Variants in RBFOX1 observed in about 807,000 individuals in gnomAD.
The protein encoded by RBFOX1 is RNA binding protein fox-1 homolog 1.
Under a neutral mutation model 57.7 loss-of-function variants are expected in RBFOX1, and 8 were observed. The observed-to-expected ratio is 0.14, with a 90% CI of 0.08 to 0.25. The LOEUF (loss-of-function observed/expected upper bound fraction) is 0.25. Among genes scored for constraint, RBFOX1 ranks in the 10% least tolerant of loss-of-function variants. The probability of loss-of-function intolerance (pLI) is 1.00; values close to 1 mark genes in which losing one functional copy is unlikely to be tolerated. For missense variants in RBFOX1, 611 were observed against 548.5 expected, an observed-to-expected ratio of 1.11 and a Z score of -1.14; for synonymous variants, 326 against 222.4, an observed-to-expected ratio of 1.47 and a Z score of -4.15.
At chr16:7,466,352 C>T (rs965317405) in intron 4 of RBFOX1, among the ~76,000 whole-genome samples, 3 of 151,722 alleles carry the variant, frequency 2.0e-5, no homozygotes, top group African/African-American at 7.3e-5. Flanking sequence ...TATTTCATGC[C>T]AAGCTAGCGC....
intron 3 of RBFOX1, among the ~76,000 whole-genome samples, chr16:6,884,780 C>T (rs184369335): frequency 3.3e-5 from 5 of 152,050 alleles, no homozygotes; most frequent in Non-Finnish European, 5.9e-5. Context: ...TACCTGCAGT[C>T]CCAGCTACTT....
At chr16:6,172,137 T>C (rs1239707561) in intron 1 of RBFOX1, among the ~76,000 whole-genome samples, 1 of 151,994 alleles carries the variant, frequency 6.6e-6, no homozygotes, top group Non-Finnish European at 1.5e-5. Context: ...TTTTTTATCA[T>C]TGGTCAAGGA....
At chr16:7,136,621 T>C (rs536127005) in intron 4 of RBFOX1, among the ~76,000 whole-genome samples, 2 of 152,194 alleles carry the variant, frequency 1.3e-5, no homozygotes, top group East Asian at 1.9e-4. Context: ...CTCATAATGT[T>C]GCCCAGGCTG....
rs557441478 is a variant in RBFOX1 at position 5,843,031 on chromosome 16, G to C, written c.319-24272G>C. On this transcript the variant is annotated intron_variant, in intron 3 of 19. Transcript: ENST00000641259. ...TTTAGTAGAGACGGGGTTTCACCAT[G>C]TTGGCCAGGCTGGTCTCGAACTCCT... Among the ~76,000 whole-genome samples, 34 of 152,132 alleles carry C rather than the reference G, an allele frequency of 2.2e-4. 1 individual carries two copies. The highest frequency in any genetic ancestry group is 3.8e-4 in the Non-Finnish European group (26 of 68,006).
At chr16:5,812,385 G>A (rs569727712) in intron 3 of RBFOX1, among the ~76,000 whole-genome samples, 27 of 151,364 alleles carry the variant, frequency 1.8e-4, no homozygotes, top group South Asian at 1.0e-3. Flanking sequence ...GTTGAACCAT[G>A]TTACATTTCC....
Position 5,543,031 on chromosome 16 carries a change from C to T in RBFOX1, c.259-55871C>T, listed in dbSNP as rs554453777. ...GGTAGAGTAATCAGAAGGCTCTTGC[C>T]TCAGGAGTGGGGAATAATTAATCAT... On this transcript the variant is annotated intron_variant, in intron 2 of 2. Transcript: ENST00000585867. 9.2e-5 allele frequency among the ~76,000 whole-genome samples: 14 copies of T among 152,238 alleles called. No individual in the cohort carries two copies. In the East Asian group the frequency reaches 2.5e-3, roughly 27 times the overall value.
At chr16:6,993,466 G>A (rs1219537185) in intron 3 of RBFOX1, among the ~76,000 whole-genome samples, 2 of 152,148 alleles carry the variant, frequency 1.3e-5, no homozygotes, top group South Asian at 4.1e-4. Flanking sequence ...AGTGGGAAGG[G>A]GAGATGGGGA....
At chr16:7,037,715 G>C (rs994287099) in intron 3 of RBFOX1, among the ~76,000 whole-genome samples, 3 of 152,184 alleles carry the variant, frequency 2.0e-5, no homozygotes, top group African/African-American at 4.8e-5. Context: ...GGTAGACCCA[G>C]GCAAGGAATT....
intron 3 of RBFOX1, among the ~76,000 whole-genome samples, chr16:6,958,477 C>G (rs1036079746): frequency 6.6e-6 from 1 of 152,072 alleles, no homozygotes; most frequent in Non-Finnish European, 1.5e-5. Flanking sequence ...ATTTGTGACA[C>G]AAAAGGCGTT....
At chr16:7,524,126 G>A (rs1036505303) in intron 5 of RBFOX1, among the ~76,000 whole-genome samples, 11 of 152,288 alleles carry the variant, frequency 7.2e-5, no homozygotes, top group African/African-American at 2.4e-4. Context: ...TCATTCTAAG[G>A]ACATCGTAGA....
intron 3 of RBFOX1, among the ~76,000 whole-genome samples, chr16:5,790,550 C>T (rs1383684515): frequency 2.6e-5 from 4 of 151,330 alleles, no homozygotes; most frequent in Non-Finnish European, 5.9e-5. Flanking sequence ...AAATGTAGCA[C>T]ATGTGGTAAA....
chr16:5,734,318 C>T lies in RBFOX1; in HGVS notation c.319-132985C>T, dbSNP rs1474672199. 2.0e-5 allele frequency among the ~76,000 whole-genome samples: 3 copies of T among 152,106 alleles called. No homozygotes were observed. The East Asian group carries it at 5.8e-4, about 29-fold the overall frequency. On this transcript the variant is annotated intron_variant, in intron 3 of 19. Transcript: ENST00000641259. ...CTACACAAAATAGGAATTTTTTCTA[C>T]TTGGGATTCTGAGGCAGGAGGATCA...
chr16:5,837,275 A>C (rs575199589), intron 3 of RBFOX1, among the ~76,000 whole-genome samples: 1 of 151,304 alleles, frequency 6.6e-6, no homozygotes. Flanking sequence ...AACTACACAC[A>C]AACTGCATCT....
chr16:7,512,112 G>A (rs1056770458), intron 4 of RBFOX1, among the ~76,000 whole-genome samples: 3 of 152,146 alleles, frequency 2.0e-5, no homozygotes, highest in African/African-American at 7.2e-5. Flanking sequence ...TTAGGGAAAG[G>A]TGGGGGTTTG....
chr16:6,112,979 G>A lies in RBFOX1; in HGVS notation c.-127+92987G>A, dbSNP rs553805934. ...CTAGAAATGGCAAGGAAGCACCATT[G>A]AAGCCAAGAAAAATGTATCAGACAG... On this transcript the variant is annotated intron_variant, in intron 1 of 15. Coordinates refer to ENST00000550418, the MANE Select transcript of RBFOX1 (RefSeq NM_018723.4). 2.6e-5 allele frequency among the ~76,000 whole-genome samples: 4 copies of A among 152,266 alleles called. No homozygotes were observed. In the South Asian group the frequency reaches 8.3e-4, roughly 32 times the overall value.
At chr16:6,202,417 A>G (rs537856661) in intron 1 of RBFOX1, among the ~76,000 whole-genome samples, 72 of 152,234 alleles carry the variant, frequency 4.7e-4, no homozygotes, top group African/African-American at 1.5e-3. Flanking sequence ...AGGTTATTCA[A>G]TCCATCTTCT....
chr16:5,256,287 C>T (rs1049256106), intron 1 of RBFOX1, among the ~76,000 whole-genome samples: 2 of 152,154 alleles, frequency 1.3e-5, no homozygotes, highest in African/African-American at 4.8e-5. Flanking sequence ...TGGGTCCTGG[C>T]ACCCATGGCA....
chr16:5,996,927 C>T (rs779660301), intron 4 of RBFOX1, among the ~76,000 whole-genome samples: 2 of 152,212 alleles, frequency 1.3e-5, no homozygotes, highest in East Asian at 3.9e-4. Flanking sequence ...ACTTTTGCAT[C>T]AACCTAATAG....
chr16:7,549,467 A>C (rs1387432757), intron 5 of RBFOX1, among the ~76,000 whole-genome samples: 7 of 152,156 alleles, frequency 4.6e-5, no homozygotes, highest in African/African-American at 1.7e-4. Flanking sequence ...ATGTATATAT[A>C]AGGGGGAGTT....
Sources: allele counts gnomAD v4.1 joint callset (sites outside exome capture counted in the v4.1 genomes callset), GRCh38; gene constraint gnomAD v4.1.1; transcripts MANE v1.5; gene names NCBI Gene and HGNC (gene_info 2026-07-23, HGNC 2026-07-21).